MACROD2: variants seen among roughly 807,000 people sequenced by gnomAD.
MACROD2 encodes the protein ADP-ribose glycohydrolase MACROD2.
In MACROD2, 36 loss-of-function variants were observed where a neutral mutation model predicts 70.4. That is an observed-to-expected ratio of 0.51 (90% CI 0.39 to 0.68). The LOEUF (loss-of-function observed/expected upper bound fraction) is 0.68. Among genes scored for constraint, MACROD2 ranks in the 30% least tolerant of loss-of-function variants. The pLI, the probability that MACROD2 is intolerant of heterozygous loss-of-function variation, is 0.00. For missense variants in MACROD2, 496 were observed against 538.4 expected, an observed-to-expected ratio of 0.92 and a Z score of 0.78; for synonymous variants, 172 against 178.8, an observed-to-expected ratio of 0.96 and a Z score of 0.30.
intron 5 of MACROD2, among the ~76,000 whole-genome samples, chr20:14,851,998 G>T (rs1160797113): frequency 6.6e-6 from 1 of 152,108 alleles, no homozygotes; most frequent in Non-Finnish European, 1.5e-5. Flanking sequence ...GTGGCCAGAG[G>T]GGACATGTCA....
At chr20:14,876,906 GA>G (rs1250447555) in intron 5 of MACROD2, among the ~76,000 whole-genome samples, 2 of 152,000 alleles carry the variant, frequency 1.3e-5, no homozygotes, top group Admixed American at 1.3e-4. Context: ...TGATGCCTCT[GA>G]CTTTGTTCTT....
chr20:15,986,202 A>G (rs1428034836), intron 13 of MACROD2, among the ~76,000 whole-genome samples: 1 of 152,202 alleles, frequency 6.6e-6, no homozygotes, highest in South Asian at 2.1e-4. Context: ...GGTACCGAGT[A>G]TAAAACAATA....
chr20:15,868,645 A>G (rs2064528950), intron 9 of MACROD2, among the ~76,000 whole-genome samples: 1 of 141,756 alleles, frequency 7.1e-6, no homozygotes, highest in South Asian at 2.2e-4. Flanking sequence ...ATTGGTTGAT[A>G]AACTTACCTT....
Position 15,813,656 on chromosome 20 carries a change from G to A in MACROD2, c.646-49089G>A, listed in dbSNP as rs1287243659. Among the ~76,000 whole-genome samples the A allele has an allele frequency of 2.0e-5, 3 of 152,096 alleles. No individual in the cohort carries two copies. In the East Asian group the frequency reaches 5.8e-4, roughly 29 times the overall value. ...TAGCCAGGCATGGTGGCACATGCTT[G>A]TGATCCCAGCTACCCAGGAGGCTGA... On this transcript the variant is annotated intron_variant, in intron 8 of 17. Transcript: ENST00000684519.
chr20:15,215,146 G>A (rs948606078), intron 5 of MACROD2, among the ~76,000 whole-genome samples: 9 of 151,674 alleles, frequency 5.9e-5, no homozygotes, highest in African/African-American at 2.2e-4. Context: ...AAAATAAATC[G>A]GGCTTAAAAC....
intron 5 of MACROD2, among the ~76,000 whole-genome samples, chr20:14,908,922 G>T (rs1038652962): frequency 1.3e-5 from 2 of 152,190 alleles, no homozygotes; most frequent in Non-Finnish European, 2.9e-5. Flanking sequence ...AGTGATTTCA[G>T]ATATAAGTGC....
At chr20:15,800,397 C>T (rs1451561271) in intron 8 of MACROD2, among the ~76,000 whole-genome samples, 1 of 152,090 alleles carries the variant, frequency 6.6e-6, no homozygotes. Context: ...ATGTTTTCTT[C>T]TAGTAGTTTT....
At chr20:15,773,365 A>C (rs1191644918) in intron 8 of MACROD2, among the ~76,000 whole-genome samples, 1 of 152,102 alleles carries the variant, frequency 6.6e-6, no homozygotes, top group Non-Finnish European at 1.5e-5. Flanking sequence ...ATGAGGGGAC[A>C]GAGATTCTAA....
chr20:15,603,997 A>T (rs1171473913), intron 8 of MACROD2, among the ~76,000 whole-genome samples: 1 of 152,206 alleles, frequency 6.6e-6, no homozygotes. Context: ...TTAGTATCTG[A>T]TTCCTAATTC....
intron 8 of MACROD2, among the ~76,000 whole-genome samples, chr20:15,538,097 G>A (rs1210296910): frequency 6.6e-6 from 1 of 152,124 alleles, no homozygotes; most frequent in East Asian, 1.9e-4. Context: ...GGAGTGGAAC[G>A]ATTAATAATA....
intron 6 of MACROD2, among the ~76,000 whole-genome samples, chr20:15,330,875 G>T (rs1227180711): frequency 6.6e-6 from 1 of 151,580 alleles, no homozygotes; most frequent in Non-Finnish European, 1.5e-5. Context: ...GCTTCTTACT[G>T]CCCTGAAGTA....
chr20:15,381,569 G>A (rs1200348130), intron 6 of MACROD2, among the ~76,000 whole-genome samples: 3 of 152,138 alleles, frequency 2.0e-5, no homozygotes, highest in Non-Finnish European at 4.4e-5. Flanking sequence ...GGGAGGCTGA[G>A]GTGGGAGGAT....
intron 7 of MACROD2, among the ~76,000 whole-genome samples, chr20:15,477,103 T>TG (rs1304597071): frequency 2.0e-5 from 3 of 146,452 alleles, no homozygotes; most frequent in East Asian, 4.0e-4. Context: ...TTTTTAGTTT[T>TG]TTTTTTTTTT....
chr20:14,366,635 G>A (rs539699652), intron 3 of MACROD2, among the ~76,000 whole-genome samples: 14 of 152,156 alleles, frequency 9.2e-5, no homozygotes, highest in African/African-American at 3.4e-4. Context: ...AAAGTGCTGG[G>A]ATTACAGGCA....
intron 5 of MACROD2, among the ~76,000 whole-genome samples, chr20:14,816,355 T>A (rs1048933738): frequency 6.6e-6 from 1 of 152,042 alleles, no homozygotes; most frequent in African/African-American, 2.4e-5. Flanking sequence ...AAGAAGTAAA[T>A]AATTCCTAAC....
At chr20:15,527,448 C>T (rs2047736812) in intron 8 of MACROD2, among the ~76,000 whole-genome samples, 1 of 152,122 alleles carries the variant, frequency 6.6e-6, no homozygotes, top group Non-Finnish European at 1.5e-5. Flanking sequence ...GAGTTAATAA[C>T]ATGAGAGGTT....
Position 14,366,556 on chromosome 20 carries a change from G to A in MACROD2, c.272-126923G>A, listed in dbSNP as rs568541240. ...TAATTTTTTTTATTTTAGTAGAGAT[G>A]GGGTTTCACCATGTTGGCCAGGATG... On this transcript the variant is annotated intron_variant, in intron 3 of 17. Transcript: ENST00000684519. Among the ~76,000 whole-genome samples, 37 of 151,358 alleles carry A rather than the reference G, an allele frequency of 2.4e-4. No individual in the cohort carries two copies. In the South Asian group the frequency reaches 7.7e-3, roughly 32 times the overall value.
chr20:15,048,558 A>G (rs954918082), intron 5 of MACROD2, among the ~76,000 whole-genome samples: 2 of 152,184 alleles, frequency 1.3e-5, no homozygotes, highest in African/African-American at 4.8e-5. Context: ...GTGTTACACA[A>G]ATAAATATAC....
At chr20:14,623,325 A>G (rs761874365) in intron 4 of MACROD2, among the ~76,000 whole-genome samples, 3 of 152,136 alleles carry the variant, frequency 2.0e-5, no homozygotes, top group African/African-American at 4.8e-5. Flanking sequence ...TTGGGAGCAT[A>G]TATGTTGGAC....
Sources: gnomAD v4.1 joint callset for allele counts (sites outside exome capture counted in the v4.1 genomes callset) on GRCh38, gnomAD v4.1.1 for gene constraint, MANE v1.5 for transcripts, NCBI Gene and HGNC (gene_info 2026-07-23, HGNC 2026-07-21) for gene names.